Variants in ACACA observed in about 807,000 individuals in gnomAD.
ACACA encodes acetyl-CoA carboxylase 1.
A neutral mutation model predicts 296.1 loss-of-function variants in ACACA; 103 were observed. The observed-to-expected ratio is 0.35, with a 90% CI of 0.30 to 0.41. ACACA has a LOEUF of 0.41. ACACA is among the 10% of genes least tolerant of loss of function. ACACA has a pLI of 1.00. For missense variants in ACACA, 1,554 were observed against 2,989.7 expected (o/e 0.52, Z 11.20); for synonymous variants, 953 against 1,038.6 (o/e 0.92, Z 1.58).
intron 41 of ACACA, 52 bp from the exon 42 acceptor site, chr17:37,162,102 T>C: frequency 6.2e-7 from 1 of 1,602,442 alleles, no homozygotes. Context: ...AGGCAGAATT[T>C]TTTTCAGGTT....
intron 41 of ACACA, among the ~76,000 whole-genome samples, chr17:37,172,726 A>G (rs1469767794): frequency 1.3e-5 from 2 of 152,246 alleles, no homozygotes; most frequent in African/African-American, 4.8e-5. Flanking sequence ...AATCATAATC[A>G]TTTATGGATA....
chr17:37,381,560 T>C (rs1342697223), intron 1 of ACACA, among the ~76,000 whole-genome samples: 2 of 151,796 alleles, frequency 1.3e-5, no homozygotes, highest in Non-Finnish European at 2.9e-5. Flanking sequence ...TACCCCATAC[T>C]TTTTTATATT....
At chr17:37,292,783 G>A (rs1445042204) in intron 3 of ACACA, among the ~76,000 whole-genome samples, 3 of 152,228 alleles carry the variant, frequency 2.0e-5, no homozygotes, top group Admixed American at 6.5e-5. Flanking sequence ...AGAATCGCTT[G>A]AATCTGGGAG....
chr17:37,213,559 T>C (rs534732233), intron 29 of ACACA, among the ~76,000 whole-genome samples: 1 of 152,288 alleles, frequency 6.6e-6, no homozygotes, highest in African/African-American at 2.4e-5. Context: ...ACAGATGTGA[T>C]AACCAAAAAA....
At chr17:37,242,541 A>G (rs563456196) in intron 22 of ACACA, among the ~76,000 whole-genome samples, 47 of 152,050 alleles carry the variant, frequency 3.1e-4, no homozygotes, top group Non-Finnish European at 5.7e-4. Flanking sequence ...CAACCTGGGC[A>G]ACATAACGAG....
At chr17:37,284,473 C>G (rs1302923935) in intron 4 of ACACA, among the ~76,000 whole-genome samples, 1 of 152,122 alleles carries the variant, frequency 6.6e-6, no homozygotes, top group African/African-American at 2.4e-5. Context: ...AGACAGGGTC[C>G]CTCTGTCGCC....
intron 1 of ACACA, among the ~76,000 whole-genome samples, chr17:37,344,777 T>G (rs1441371701): frequency 6.6e-6 from 1 of 152,038 alleles, no homozygotes; most frequent in Non-Finnish European, 1.5e-5. Context: ...TTCCCCAAAA[T>G]GTTCAGAAAG....
intron 1 of ACACA, among the ~76,000 whole-genome samples, chr17:37,380,288 G>A (rs1309708002): frequency 9.2e-6 from 1 of 108,924 alleles, no homozygotes; most frequent in African/African-American, 4.1e-5. Context: ...GGTGGGGGGA[G>A]GGGGGAGGGA....
chr17:37,269,527 T>C (rs150622572), intron 10 of ACACA, among the ~76,000 whole-genome samples: 101 of 152,292 alleles, frequency 6.6e-4, no homozygotes, highest in Admixed American at 1.4e-3. Context: ...CTCATGTAGT[T>C]TACTGAATGT....
At chr17:37,190,161 G>A (rs2145069930) in intron 38 of ACACA, among the ~76,000 whole-genome samples, 1 of 151,848 alleles carries the variant, frequency 6.6e-6, no homozygotes, top group African/African-American at 2.4e-5. Flanking sequence ...AGGCACGGTG[G>A]CTCACACCTG....
intron 43 of ACACA, among the ~76,000 whole-genome samples, chr17:37,153,232 C>T (rs1471354973): frequency 6.6e-6 from 1 of 151,956 alleles, no homozygotes; most frequent in Non-Finnish European, 1.5e-5. Context: ...GGGGAAAATC[C>T]CATTCAGAGT....
At chr17:37,319,604 C>T (rs1283482417) in intron 3 of ACACA, among the ~76,000 whole-genome samples, 2 of 152,096 alleles carry the variant, frequency 1.3e-5, no homozygotes, top group African/African-American at 4.8e-5. Context: ...GGGAGGACCA[C>T]TTGAGCCCAG....
At position 37,390,330 on chromosome 17, in the gene ACACA, A is replaced by ATATATATATATAATATATATATC. The variant is rs1386032855; in HGVS notation, c.38+15931_38+15932insGATATATATATTATATATATATA. On this transcript the variant is annotated intron_variant, in intron 1 of 55. Transcript: ENST00000616317. ...TATATATATATATATATATATATAT[A>ATATATATATATAATATATATATC]TATAAAAGGCCAGCTGGGCCGGGCA... 4.8e-4 allele frequency among the ~76,000 whole-genome samples: 20 copies of ATATATATATATAATATATATATC among 41,590 alleles called. 2 individuals carry two copies. The highest frequency in any genetic ancestry group is 5.0e-4 in the Admixed American group (1 of 1,998). The allele number at this position is 41,590 out of a possible 152,430, so 27.3% of individuals were successfully genotyped here. A position where few individuals can be genotyped will look rare whatever the true frequency, so the allele number is the denominator to read the frequency against.
intron 41 of ACACA, among the ~76,000 whole-genome samples, chr17:37,178,968 C>A (rs2077220682): frequency 6.6e-6 from 1 of 152,152 alleles, no homozygotes; most frequent in African/African-American, 2.4e-5. Flanking sequence ...AGAAGCAAAT[C>A]ATTGCATCTG....
At chr17:37,305,904 G>GTTTTTTTTTTTTT (rs200591761) in intron 3 of ACACA, among the ~76,000 whole-genome samples, 29 of 95,828 alleles carry the variant, frequency 3.0e-4, no homozygotes, top group Non-Finnish European at 4.8e-4. Context: ...TTTTTTTTTT[G>GTTTTTTTTTTTTT]TTTTTTTTTT....
At chr17:37,405,855 CTTTTT>C (rs3049528) in intron 1 of ACACA, among the ~76,000 whole-genome samples, 13 of 53,560 alleles carry the variant, frequency 2.4e-4, no homozygotes, top group African/African-American at 8.4e-4. Context: ...CCCGGCAGGG[CTTTTT>C]TTTTTTTTTT....
intron 5 of ACACA, among the ~76,000 whole-genome samples, chr17:37,281,720 G>C (rs2082544795): frequency 6.6e-6 from 1 of 152,034 alleles, no homozygotes; most frequent in Admixed American, 6.5e-5. Context: ...ACAAAAATTA[G>C]CTGGGCATGG....
In ACACA at chr17:37,243,503, G is replaced by C; in HGVS notation, c.2799C>G (p.Leu933=). The part of the protein sequence containing the change: ...MKTLRDPSLP[L]LELQDIMTSV... ...TGGTCATAATATCTTGCAATTCTAG[G>C]AGAGGCAGGGAGGGATCTCTGAGGG... The change falls in exon 22 of 56, where the codon CTC becomes CTG. Residue 933 remains leucine (L), a synonymous_variant. Transcript: ENST00000616317. 6.2e-7 allele frequency: 1 copy of C among 1,614,158 alleles called. No homozygotes were observed. The highest frequency in any genetic ancestry group is 8.5e-7 in the Non-Finnish European group (1 of 1,180,018).
chr17:37,236,670 C>T (rs866622847), intron 24 of ACACA, among the ~76,000 whole-genome samples: 9 of 151,970 alleles, frequency 5.9e-5, no homozygotes, highest in South Asian at 4.2e-4. Context: ...ACTAAAAATA[C>T]AAAAATTAGC....
Sources: allele counts gnomAD v4.1 joint callset (sites outside exome capture counted in the v4.1 genomes callset), GRCh38; gene constraint gnomAD v4.1.1; transcripts MANE v1.5; gene names NCBI Gene and HGNC (gene_info 2026-07-23, HGNC 2026-07-21).